The following GOLGA8A variants were observed in gnomAD, a reference collection of about 807,000 sequenced individuals.
GOLGA8A encodes golgin A8 family member A.
Under a neutral mutation model 22.1 loss-of-function variants are expected in GOLGA8A, and 3 were observed. The ratio of observed to expected loss-of-function variants is 0.14; its 90% CI spans 0.06 to 0.35. The LOEUF is 0.35. Among genes scored for constraint, GOLGA8A ranks in the 10% least tolerant of loss-of-function variants. The pLI is 1.00. For synonymous variants in GOLGA8A, 7 were observed against 91.7 expected, an observed-to-expected ratio of 0.08 and a Z score of 5.28; for missense variants, 16 against 233.2, an observed-to-expected ratio of 0.07 and a Z score of 6.07.
intron 1 of GOLGA8A, among the ~76,000 whole-genome samples, chr15:34,436,109 G>A (rs954833057): frequency 6.7e-6 from 1 of 148,710 alleles, no homozygotes; most frequent in Non-Finnish European, 1.5e-5. Context: ...CCACACCTCT[G>A]GGAGGGGAGA....
At position 34,437,768 on chromosome 15, in the gene GOLGA8A, C is replaced by A. The variant is rs1255440610; in HGVS notation, c.-1582G>T. 1.3e-5 allele frequency among the ~76,000 whole-genome samples: 2 copies of A among 148,190 alleles called. No homozygotes were observed. The highest frequency in any genetic ancestry group is 3.0e-5 in the Non-Finnish European group (2 of 66,796). ...GAGCTCCCGCAGAGCTCGCGCCTAGCCGCACACCTCGACTGCTGATTAGCC... is the reference window on the plus strand; with the variant it reads ...GAGCTCCCGCAGAGCTCGCGCCTAGACGCACACCTCGACTGCTGATTAGCC... On this transcript the variant is annotated 5_prime_UTR_variant, in exon 1 of 25. Transcript: ENST00000359187.
At chr15:34,437,317 G>C (rs1595676112) in intron 1 of GOLGA8A, 81 bp downstream of exon 1, 1 of 143,500 alleles carries the variant, frequency 7.0e-6, no homozygotes. Context: ...CGCCCCCCAC[G>C]CGTCCGGGTC....
intron 2 of GOLGA8A, among the ~76,000 whole-genome samples, chr15:34,427,998 T>C (rs960774962): frequency 1.3e-5 from 2 of 148,990 alleles, no homozygotes; most frequent in African/African-American, 5.0e-5. Flanking sequence ...AGATGTCTGA[T>C]TAAAATCATC....
chr15:34,429,976 A>G (rs7169572), intron 2 of GOLGA8A, among the ~76,000 whole-genome samples: 9,876 of 147,836 alleles, frequency 0.067, 1,059 homozygotes, highest in Middle Eastern at 0.18. Flanking sequence ...CAAAGTGAGG[A>G]GTGGGAATGC....
At chr15:34,412,732 A>T (rs1268866496) in intron 2 of GOLGA8A, among the ~76,000 whole-genome samples, 1 of 140,194 alleles carries the variant, frequency 7.1e-6, no homozygotes, top group African/African-American at 2.5e-5. Context: ...GCCATTCCCC[A>T]GCCCTCAAAA....
Position 34,380,049 on chromosome 15 carries a change from C to A in GOLGA8A, c.*1362G>T, listed in dbSNP as rs1397298566. Reference sequence around the variant, plus strand: ...GTGTAAACATTTTAAGTTGCATAAACTTCTCCTTGATTTTCAAAGATAATA... The same window carrying A: ...GTGTAAACATTTTAAGTTGCATAAAATTCTCCTTGATTTTCAAAGATAATA... On this transcript the variant is annotated 3_prime_UTR_variant, in exon 25 of 25. Coordinates refer to ENST00000359187, the MANE Select transcript of GOLGA8A (RefSeq NM_181077.5). The A allele has an allele frequency of 6.6e-6, 1 of 152,606 alleles. No individual in the cohort carries two copies. Among genetic ancestry groups the A allele is most frequent in the Non-Finnish European group, 1.5e-5 (1 of 68,042 alleles). 9.5% of individuals were successfully genotyped at this position (152,606 alleles called of 1,614,324 possible). A position where few individuals can be genotyped will look rare whatever the true frequency, so the allele number is the denominator to read the frequency against.
At position 34,417,811 on chromosome 15, in the gene GOLGA8A, C is replaced by G. The variant is rs1232248867; in HGVS notation, c.-1122-10076G>C. 1.4e-5 allele frequency: 2 copies of G among 147,456 alleles called. 1 individual carries two copies. Among genetic ancestry groups the G allele is most frequent in the African/African-American group, 5.0e-5 (2 of 39,988 alleles). 9.1% of individuals were successfully genotyped at this position (147,456 alleles called of 1,614,324 possible). ...TAGCTCTAGTTTACACAGTAATTTT[C>G]AACTGAAGGAGATTTTTGCCCCCCA... On this transcript the variant is annotated intron_variant, in intron 2 of 24. Coordinates refer to ENST00000359187, the MANE Select transcript of GOLGA8A (RefSeq NM_181077.5).
At chr15:34,403,039 G>C (rs1595645962) in intron 5 of GOLGA8A, among the ~76,000 whole-genome samples, 1 of 94,310 alleles carries the variant, frequency 1.1e-5, no homozygotes, top group Admixed American at 1.0e-4. Flanking sequence ...GAAGTTTCAA[G>C]AGAATATAAA....
Position 34,381,256 on chromosome 15 carries a change from T to C in GOLGA8A, c.*155A>G. 1 of 1,113,424 alleles carries C rather than the reference T, an allele frequency of 9.0e-7. No individual in the cohort carries two copies. Among genetic ancestry groups the C allele is most frequent in the South Asian group, 1.5e-5 (1 of 68,914 alleles). The allele number at this position is 1,113,424 out of a possible 1,614,324, so 69.0% of individuals were successfully genotyped here. A position where few individuals can be genotyped will look rare whatever the true frequency, so the allele number is the denominator to read the frequency against. On this transcript the variant is annotated 3_prime_UTR_variant, in exon 25 of 25. Transcript: ENST00000359187. ...CACAGAGACCCACTCTCTTTTAACT[T>C]TTTACAAATAAACTTAAACTATAAA...
At position 34,380,952 on chromosome 15, in the gene GOLGA8A, T is replaced by A; in HGVS notation, c.*459A>T. On this transcript the variant is annotated 3_prime_UTR_variant, in exon 25 of 25. Coordinates refer to ENST00000359187, the MANE Select transcript of GOLGA8A (RefSeq NM_181077.5). The stretch of plus-strand genomic sequence containing the variant: ...TGAGGGCAAACCGCATATTGAGCTA[T>A]AGAAGAGCTCACTGTGATTAAGATG... The A allele has an allele frequency of 3.1e-6, 1 of 320,424 alleles. No individual in the cohort carries two copies. The highest frequency in any genetic ancestry group is 6.0e-6 in the Non-Finnish European group (1 of 166,728). 19.8% of individuals were successfully genotyped at this position (320,424 alleles called of 1,614,324 possible). A position where few individuals can be genotyped will look rare whatever the true frequency, so the allele number is the denominator to read the frequency against.
chr15:34,435,202 TCCCCACTCC>T (rs886079580), intron 2 of GOLGA8A, among the ~76,000 whole-genome samples, 172 bp downstream of exon 2: 2 of 148,762 alleles, frequency 1.3e-5, no homozygotes, highest in East Asian at 2.0e-4. Flanking sequence ...ACCCCCACTC[TCCCCACTCC>T]AACAGCCCTC....
intron 2 of GOLGA8A, among the ~76,000 whole-genome samples, chr15:34,431,039 C>T (rs1699689967): frequency 6.7e-6 from 1 of 148,658 alleles, no homozygotes; most frequent in African/African-American, 2.5e-5. Flanking sequence ...ACAATGCACA[C>T]ACTTGCTTCC....
At chr15:34,427,673 G>A (rs1176606753) in intron 2 of GOLGA8A, among the ~76,000 whole-genome samples, 4 of 148,830 alleles carry the variant, frequency 2.7e-5, no homozygotes, top group African/African-American at 9.9e-5. Flanking sequence ...GGACTCCCAG[G>A]CACCTGTGGA....
chr15:34,423,933 T>A (rs372657781), intron 2 of GOLGA8A, among the ~76,000 whole-genome samples: 12,689 of 147,572 alleles, frequency 0.086, 1,186 homozygotes, highest in South Asian at 0.22. Context: ...AGGAAGCAGC[T>A]GAGGCTACCA....
chr15:34,434,400 G>A (rs1237521389), intron 2 of GOLGA8A, among the ~76,000 whole-genome samples: 3 of 149,374 alleles, frequency 2.0e-5, no homozygotes, highest in South Asian at 2.1e-4. Flanking sequence ...CAGTACGCAG[G>A]GTTCCACATA....
chr15:34,393,128 G>A (rs76130148), intron 8 of GOLGA8A, among the ~76,000 whole-genome samples: 55,604 of 142,762 alleles, frequency 0.39, 8,421 homozygotes, highest in South Asian at 0.46. Context: ...AGGTCCAGGT[G>A]GGGTCAGGAA....
chr15:34,436,910 G>A lies in GOLGA8A; in HGVS notation c.-1212+488C>T, dbSNP rs1595675545. On this transcript the variant is annotated intron_variant, in intron 1 of 24. Coordinates refer to ENST00000359187, the MANE Select transcript of GOLGA8A (RefSeq NM_181077.5). The stretch of plus-strand genomic sequence containing the variant: ...TATACAGGGAAAGGGAAGGGGCGAA[G>A]ATCCGGGCTCGAGTTCTCCCAGGGA... Among the ~76,000 whole-genome samples, 3 of 149,818 alleles carry A rather than the reference G, an allele frequency of 2.0e-5. 1 individual carries two copies. The highest frequency in any genetic ancestry group is 7.4e-5 in the African/African-American group (3 of 40,752).
At chr15:34,400,683 A>C (rs1259477491) in intron 6 of GOLGA8A, 29 bp downstream of exon 6, 1 of 146,548 alleles carries the variant, frequency 6.8e-6, no homozygotes, top group South Asian at 2.2e-4. Context: ...ATAAAGAAGT[A>C]GCCATTAGCA....
intron 2 of GOLGA8A, among the ~76,000 whole-genome samples, chr15:34,425,974 TG>T (rs1892967498): frequency 6.9e-6 from 1 of 144,684 alleles, no homozygotes; most frequent in South Asian, 2.5e-4. Context: ...AGAGTGTCAG[TG>T]GGGACACCGC....
Sources: allele counts gnomAD v4.1 joint callset (sites outside exome capture counted in the v4.1 genomes callset), GRCh38; gene constraint gnomAD v4.1.1; transcripts MANE v1.5; gene names NCBI Gene and HGNC (gene_info 2026-07-23, HGNC 2026-07-21).